Variants in TMEM117 observed in about 807,000 individuals in gnomAD.
The protein encoded by TMEM117 is transmembrane protein 117.
Under a neutral mutation model 52.4 loss-of-function variants are expected in TMEM117, and 27 were observed. That is an observed-to-expected ratio of 0.51 (90% CI 0.38 to 0.71). The LOEUF (loss-of-function observed/expected upper bound fraction) is 0.71. TMEM117 is among the 30% of genes least tolerant of loss of function. TMEM117 has a pLI of 0.00. For missense variants in TMEM117, 556 were observed against 630.5 expected (o/e 0.88, Z 1.26); for synonymous variants, 215 against 206.3 (o/e 1.04, Z -0.36).
chr12:44,195,213 G>A (rs1045138316), intron 4 of TMEM117, among the ~76,000 whole-genome samples: 1 of 152,142 alleles, frequency 6.6e-6, no homozygotes, highest in African/African-American at 2.4e-5. Context: ...CATTCAGCTT[G>A]TTGGCAGAAT....
intron 3 of TMEM117, among the ~76,000 whole-genome samples, chr12:44,124,336 T>G (rs535166634): frequency 6.6e-6 from 1 of 152,208 alleles, no homozygotes; most frequent in Non-Finnish European, 1.5e-5. Context: ...TATAGGATCA[T>G]GTCATCTGCA....
chr12:44,143,253 T>C (rs1299555522), intron 3 of TMEM117, among the ~76,000 whole-genome samples: 1 of 152,196 alleles, frequency 6.6e-6, no homozygotes, highest in Admixed American at 6.5e-5. Flanking sequence ...TTCTGTTTGA[T>C]TTTTCAAAAG....
chr12:44,165,074 C>A (rs766445151), intron 4 of TMEM117, among the ~76,000 whole-genome samples: 5 of 152,124 alleles, frequency 3.3e-5, no homozygotes, highest in Non-Finnish European at 7.4e-5. Context: ...TACCCCCCTG[C>A]CACCGCCTTC....
the TMEM117 span, among the ~76,000 whole-genome samples, chr12:43,803,967 T>A: frequency 6.6e-6 from 1 of 152,148 alleles, no homozygotes; most frequent in South Asian, 2.1e-4. Flanking sequence ...TCAACCAGAT[T>A]CCCTGTTTAC....
intron 1 of TMEM117, among the ~76,000 whole-genome samples, chr12:43,837,826 T>C (rs74946780): frequency 1.3e-5 from 2 of 152,344 alleles, no homozygotes; most frequent in East Asian, 1.9e-4. Context: ...GTTGCTGTTT[T>C]AAAAACTTGC....
At chr12:44,102,338 A>G (rs1947876059) in intron 3 of TMEM117, among the ~76,000 whole-genome samples, 1 of 152,024 alleles carries the variant, frequency 6.6e-6, no homozygotes, top group East Asian at 1.9e-4. Context: ...CTAAAAAGAT[A>G]TATTTTCTTC....
At chr12:43,875,854 T>G (rs1190352137) in intron 2 of TMEM117, among the ~76,000 whole-genome samples, 1 of 152,054 alleles carries the variant, frequency 6.6e-6, no homozygotes, top group African/African-American at 2.4e-5. Context: ...CCATTATATA[T>G]TACGTTTTTT....
chr12:44,289,787 A>C (rs1399401255), intron 5 of TMEM117, among the ~76,000 whole-genome samples: 1 of 151,682 alleles, frequency 6.6e-6, no homozygotes, highest in Non-Finnish European at 1.5e-5. Context: ...CTCCTTCCTG[A>C]TCCGCCCGCC....
chr12:44,291,389 T>C (rs945249631), intron 5 of TMEM117, among the ~76,000 whole-genome samples: 3 of 149,916 alleles, frequency 2.0e-5, no homozygotes, highest in African/African-American at 4.9e-5. Flanking sequence ...TTTTTTTTTT[T>C]TTTTTTTTGG....
At position 44,389,594 on chromosome 12, in the gene TMEM117, A is replaced by G. The variant is rs1952144711; in HGVS notation, c.*922A>G. 6.6e-6 allele frequency: 1 copy of G among 152,524 alleles called. No homozygotes were observed. 9.4% of individuals were successfully genotyped at this position (152,524 alleles called of 1,614,324 possible). On this transcript the variant is annotated 3_prime_UTR_variant, in exon 8 of 8. Transcript: ENST00000266534. ...AGTGAAAATTGAAAAACATATGCCA[A>G]CCCTGAGCAAGGGAACTCCTCAAAA...
At chr12:43,861,622 G>A (rs1398766996) in intron 2 of TMEM117, among the ~76,000 whole-genome samples, 1 of 152,230 alleles carries the variant, frequency 6.6e-6, no homozygotes, top group African/African-American at 2.4e-5. Context: ...CACTGTCACA[G>A]TGGGTGGAGG....
At chr12:44,222,636 T>C (rs1018579417) in intron 5 of TMEM117, among the ~76,000 whole-genome samples, 4 of 152,168 alleles carry the variant, frequency 2.6e-5, no homozygotes, top group Non-Finnish European at 5.9e-5. Context: ...TTGCTGCCTC[T>C]AGGTGGAAGG....
chr12:43,850,597 T>C (rs1278832663), intron 2 of TMEM117, among the ~76,000 whole-genome samples: 3 of 152,166 alleles, frequency 2.0e-5, no homozygotes, highest in Non-Finnish European at 4.4e-5. Flanking sequence ...AAGCATTATC[T>C]CCTCTGTGAC....
chr12:44,052,799 G>A (rs1355877403), intron 3 of TMEM117, among the ~76,000 whole-genome samples: 6 of 152,192 alleles, frequency 3.9e-5, no homozygotes, highest in Non-Finnish European at 8.8e-5. Context: ...TGTCAGAGCA[G>A]GTTGCCAGAC....
At chr12:44,362,131 C>G (rs190777053) in intron 6 of TMEM117, among the ~76,000 whole-genome samples, 1 of 152,008 alleles carries the variant, frequency 6.6e-6, no homozygotes, top group African/African-American at 2.4e-5. Flanking sequence ...TTTCTCAATC[C>G]CTAGTTTATT....
At chr12:44,258,228 T>TG (rs1487457505) in intron 5 of TMEM117, among the ~76,000 whole-genome samples, 1 of 151,652 alleles carries the variant, frequency 6.6e-6, no homozygotes, top group African/African-American at 2.4e-5. Context: ...AAAGCATAAA[T>TG]GACCTCCCTG....
intron 1 of TMEM117, among the ~76,000 whole-genome samples, chr12:43,839,563 C>T (rs184242196): frequency 6.6e-6 from 1 of 152,328 alleles, no homozygotes. Context: ...TCTAATGTCA[C>T]CTTATAATGA....
intron 2 of TMEM117, among the ~76,000 whole-genome samples, chr12:43,939,454 C>G (rs1945009097): frequency 6.6e-6 from 1 of 152,106 alleles, no homozygotes; most frequent in East Asian, 1.9e-4. Context: ...TTTTGCTTAC[C>G]AAGGTAAGCA....
chr12:44,129,124 G>A (rs983174160), intron 3 of TMEM117, among the ~76,000 whole-genome samples: 1 of 152,212 alleles, frequency 6.6e-6, no homozygotes, highest in African/African-American at 2.4e-5. Context: ...CTCAGCATGA[G>A]TGTTGTCCCT....
Sources: gnomAD v4.1 joint callset for allele counts (sites outside exome capture counted in the v4.1 genomes callset) on GRCh38, gnomAD v4.1.1 for gene constraint, MANE v1.5 for transcripts, NCBI Gene and HGNC (gene_info 2026-07-23, HGNC 2026-07-21) for gene names.